ANO6: variants seen among roughly 807,000 people sequenced by gnomAD.
The protein encoded by ANO6 is anoctamin-6.
ANO6 carries 106 observed loss-of-function variants against 117.5 expected under a neutral mutation model. That is an observed-to-expected ratio of 0.90 (90% CI 0.77 to 1.06). ANO6 has a LOEUF of 1.06. Among genes scored for constraint, ANO6 ranks in the 50% least tolerant of loss-of-function variants. The pLI is 0.00. For missense variants in ANO6, 955 were observed against 1,121.1 expected (o/e 0.85, Z 2.12); for synonymous variants, 367 against 385.1 (o/e 0.95, Z 0.55).
At chr12:45,254,130 G>A (rs372848414) in intron 1 of ANO6, among the ~76,000 whole-genome samples, 195 of 152,298 alleles carry the variant, frequency 1.3e-3, no homozygotes, top group African/African-American at 4.4e-3. Flanking sequence ...TTGTGCCACT[G>A]CACTCCAACC....
chr12:45,297,991 C>G (rs148117417), intron 1 of ANO6, among the ~76,000 whole-genome samples: 3 of 152,264 alleles, frequency 2.0e-5, no homozygotes, highest in Admixed American at 6.5e-5. Flanking sequence ...TCCCTAGGGC[C>G]TTACCACACA....
chr12:45,294,668 T>C, intron 1 of ANO6, among the ~76,000 whole-genome samples: 1 of 152,362 alleles, frequency 6.6e-6, no homozygotes, highest in Non-Finnish European at 1.5e-5. Flanking sequence ...GGTAAGAGAC[T>C]GATCCATCCA....
chr12:45,284,464 C>G (rs10748419), intron 1 of ANO6, among the ~76,000 whole-genome samples: 145,152 of 152,316 alleles, frequency 0.95, 69,583 homozygotes, highest in East Asian at 1. Flanking sequence ...TTGAGAGATA[C>G]GCGGGCAGGA....
intron 1 of ANO6, chr12:45,228,315 T>TTTTTA (rs1555157330): frequency 4.1e-5 from 12 of 292,432 alleles, no homozygotes; most frequent in African/African-American, 3.3e-4. Context: ...TTTTTTTTTT[T>TTTTTA]TTATTATTAG....
At chr12:45,405,969 AATAG>A (rs746724863) in intron 15 of ANO6, among the ~76,000 whole-genome samples, 36 of 152,284 alleles carry the variant, frequency 2.4e-4, no homozygotes, top group Non-Finnish European at 3.5e-4. Flanking sequence ...ACCCCCCAAA[AATAG>A]ATAGAGAAAA....
intron 9 of ANO6, among the ~76,000 whole-genome samples, chr12:45,368,477 G>GT: frequency 6.6e-6 from 1 of 152,152 alleles, no homozygotes; most frequent in Non-Finnish European, 1.5e-5. Flanking sequence ...GTGATAAAAG[G>GT]TATTTGTCTT....
intron 2 of ANO6, among the ~76,000 whole-genome samples, chr12:45,321,776 C>T (rs1940281813): frequency 1.3e-5 from 2 of 152,160 alleles, no homozygotes; most frequent in South Asian, 4.1e-4. Context: ...ACTCAAAAAT[C>T]CTGCAATCCC....
intron 2 of ANO6, among the ~76,000 whole-genome samples, chr12:45,306,960 G>A (rs1276327003): frequency 6.6e-6 from 1 of 152,066 alleles, no homozygotes. Flanking sequence ...AGCATTCCCA[G>A]CAGAAGGAGT....
intron 9 of ANO6, among the ~76,000 whole-genome samples, chr12:45,375,414 A>G (rs1374216201): frequency 6.6e-6 from 1 of 152,252 alleles, no homozygotes; most frequent in Non-Finnish European, 1.5e-5. Flanking sequence ...CTAAGCCAAA[A>G]GAACAAAGCT....
chr12:45,299,421 G>A (rs946828445), intron 1 of ANO6, among the ~76,000 whole-genome samples: 2 of 152,190 alleles, frequency 1.3e-5, no homozygotes, highest in African/African-American at 4.8e-5. Context: ...TTCACACATA[G>A]GGTGTCCTCT....
At chr12:45,409,851 G>A (rs1943040931) in intron 16 of ANO6, among the ~76,000 whole-genome samples, 1 of 152,096 alleles carries the variant, frequency 6.6e-6, no homozygotes, top group South Asian at 2.1e-4. Flanking sequence ...CACCTCCCAG[G>A]TTCAAGCAAT....
At position 45,432,305 on chromosome 12, in the gene ANO6, CT is replaced by C; in HGVS notation, c.*2998del. On this transcript the variant is annotated 3_prime_UTR_variant, in exon 20 of 20. Coordinates refer to ENST00000320560, the MANE Select transcript of ANO6 (RefSeq NM_001025356.3). The stretch of plus-strand genomic sequence containing the variant: ...GTTAATTTCTGTGCATTTTAATATT[CT>C]TTTATAATTATGAGCATTTTAATAA... The C allele has an allele frequency of 2.2e-6, 2 of 903,650 alleles. No individual in the cohort carries two copies. The highest frequency in any genetic ancestry group is 2.6e-6 in the Non-Finnish European group (2 of 756,426). 56.0% of individuals were successfully genotyped at this position (903,650 alleles called of 1,614,324 possible).
intron 1 of ANO6, among the ~76,000 whole-genome samples, chr12:45,217,581 C>G (rs1328645622): frequency 1.3e-5 from 2 of 152,192 alleles, no homozygotes; most frequent in East Asian, 3.8e-4. Flanking sequence ...AGTTATTCAT[C>G]TTTAAGGAGA....
intron 9 of ANO6, among the ~76,000 whole-genome samples, chr12:45,376,950 T>A (rs184862207): frequency 8.9e-4 from 136 of 152,176 alleles, no homozygotes; most frequent in Non-Finnish European, 1.8e-4. Context: ...TCACAATCAA[T>A]GTGGACGATT....
intron 1 of ANO6, among the ~76,000 whole-genome samples, chr12:45,247,324 T>C (rs1947840794): frequency 6.6e-6 from 1 of 152,232 alleles, no homozygotes; most frequent in South Asian, 2.1e-4. Context: ...CAGCAACATA[T>C]ATTAAGTGCC....
At chr12:45,255,950 T>G (rs559621560) in intron 1 of ANO6, among the ~76,000 whole-genome samples, 2 of 151,002 alleles carry the variant, frequency 1.3e-5, no homozygotes, top group East Asian at 3.9e-4. Context: ...CCCTCCCGAG[T>G]AGCTGGGATT....
downstream of ANO6, among the ~76,000 whole-genome samples, chr12:45,434,107 C>T (rs993475717): frequency 6.6e-6 from 1 of 152,188 alleles, no homozygotes; most frequent in Non-Finnish European, 1.5e-5. Flanking sequence ...CCCTTCATTT[C>T]TCATAATTTC....
chr12:45,319,377 G>A (rs1397206735), intron 2 of ANO6, among the ~76,000 whole-genome samples: 1 of 152,164 alleles, frequency 6.6e-6, no homozygotes, highest in Non-Finnish European at 1.5e-5. Flanking sequence ...AGATAATCAT[G>A]TGGTTTTTGT....
At chr12:45,266,542 A>G (rs1450535782) in intron 1 of ANO6, among the ~76,000 whole-genome samples, 1 of 152,166 alleles carries the variant, frequency 6.6e-6, no homozygotes, top group African/African-American at 2.4e-5. Flanking sequence ...TTTCTTAGTT[A>G]TCAGCCTTTT....
Sources: gnomAD v4.1 joint callset for allele counts (sites outside exome capture counted in the v4.1 genomes callset) on GRCh38, gnomAD v4.1.1 for gene constraint, MANE v1.5 for transcripts, NCBI Gene and HGNC (gene_info 2026-07-23, HGNC 2026-07-21) for gene names.